Variants in DGAT1 observed in about 807,000 individuals in gnomAD.
DGAT1 encodes the protein diacylglycerol O-acyltransferase 1.
Under a neutral mutation model 72.6 loss-of-function variants are expected in DGAT1, and 60 were observed. The observed-to-expected ratio is 0.83, with a 90% confidence interval of 0.67 to 1.02. DGAT1 has a LOEUF of 1.02. Ranked by LOEUF, DGAT1 falls within the 50% of genes least tolerant of loss-of-function variation. DGAT1 has a pLI of 0.00. For synonymous variants in DGAT1, 290 were observed against 267.5 expected (o/e 1.08, Z -0.82); for missense variants, 592 against 670.0 (o/e 0.88, Z 1.29).
rs1439245340 is a variant in DGAT1, at chr8:144,317,835, C to T, written c.856-13G>A. ...GGGTGAAGAACAGCTGGGGGGGAAA[C>T]AGAGAGCAGCCAGCTGAGGCCCTGG... On this transcript the variant is annotated splice_polypyrimidine_tract_variant and intron_variant, in intron 9 of 16. Coordinates refer to ENST00000528718, the MANE Select transcript of DGAT1 (RefSeq NM_012079.6). The T allele has an allele frequency of 1.2e-6, 2 of 1,609,278 alleles. No individual in the cohort carries two copies. The highest frequency in any genetic ancestry group is 1.7e-6 in the Non-Finnish European group (2 of 1,177,820).
intron 1 of DGAT1, among the ~76,000 whole-genome samples, 175 bp from the exon 2 acceptor site, chr8:144,321,583 G>A (rs1227451120): frequency 2.0e-5 from 3 of 152,180 alleles, no homozygotes; most frequent in African/African-American, 4.8e-5. Context: ...CCTACAGTGG[G>A]CAAAGCTCTC....
At chr8:144,319,386 G>C (rs141119050) in intron 2 of DGAT1, among the ~76,000 whole-genome samples, 1 of 152,152 alleles carries the variant, frequency 6.6e-6, no homozygotes, top group Admixed American at 6.5e-5. Context: ...ACCAGCTGCT[G>C]ATCTGCTCAC....
rs1012018639 is a variant in DGAT1, at chr8:144,326,546, C to T, written c.91G>A (p.Val31Met). 6 of 1,267,748 alleles carry T rather than the reference C, an allele frequency of 4.7e-6. No individual in the cohort carries two copies. Among genetic ancestry groups the T allele is most frequent in the South Asian group, 5.6e-5 (2 of 35,612 alleles). The allele number at this position is 1,267,748 out of a possible 1,614,324, so 78.5% of individuals were successfully genotyped here. A position where few individuals can be genotyped will look rare whatever the true frequency, so the allele number is the denominator to read the frequency against. Residue 31 changes from valine (V) to methionine (M), a missense_variant, in exon 1 of 17, where the codon GTG becomes ATG. Transcript: ENST00000528718. ...TCGGGGCCCGCAGCGGCGTCCCGCA[C>T]CTCCTCTTCCGCCGCCGCAGGCCCG... Reference protein sequence around the residue: ...GGGPAAAEEEVRDAAAGPDVG... With the variant: ...GGGPAAAEEEMRDAAAGPDVG...
intron 1 of DGAT1, among the ~76,000 whole-genome samples, chr8:144,325,106 T>A (rs1339592376): frequency 6.6e-6 from 1 of 151,392 alleles, no homozygotes; most frequent in African/African-American, 2.4e-5. Context: ...AATTCCCACG[T>A]CCTCCACAGG....
Position 144,314,671 on chromosome 8 carries a change from G to A in DGAT1, c.*1883C>T, listed in dbSNP as rs868943407. 17 of 314,478 alleles carry A rather than the reference G, an allele frequency of 5.4e-5. No homozygotes were observed. The highest frequency in any genetic ancestry group is 2.1e-4 in the African/African-American group (10 of 48,276). 19.5% of individuals were successfully genotyped at this position (314,478 alleles called of 1,614,324 possible). A position where few individuals can be genotyped will look rare whatever the true frequency, so the allele number is the denominator to read the frequency against. On this transcript the variant is annotated 3_prime_UTR_variant, in exon 17 of 17. Transcript: ENST00000528718. ...AGATACACAGATATATACACACAGT[G>A]GATGGACGGACAAGACAGGCAGAGA...
In DGAT1 at chr8:144,319,534, G is replaced by A. The variant is rs532169266; in HGVS notation, c.289-466C>T. On this transcript the variant is annotated intron_variant, in intron 2 of 16. Transcript: ENST00000528718. Reference sequence around the variant, plus strand: ...CCCCAAGGAACCAGTCCCTACTGGTGGCCAAGGCTGAAGAGGGGGAGTTGT... The same window carrying A: ...CCCCAAGGAACCAGTCCCTACTGGTAGCCAAGGCTGAAGAGGGGGAGTTGT... Among the ~76,000 whole-genome samples the A allele has an allele frequency of 1.2e-4, 19 of 152,344 alleles. No individual in the cohort carries two copies. The South Asian group carries it at 3.9e-3, about 32-fold the overall frequency.
intron 2 of DGAT1, 63 bp from the exon 3 acceptor site, chr8:144,319,131 ATC>A (rs1817369042): frequency 1.3e-6 from 2 of 1,539,780 alleles, no homozygotes; most frequent in South Asian, 1.2e-5. Context: ...CTCACCCCAG[ATC>A]CTCCCAACAC....
At chr8:144,325,919 A>G (rs2130549465) in intron 1 of DGAT1, among the ~76,000 whole-genome samples, 1 of 152,226 alleles carries the variant, frequency 6.6e-6, no homozygotes, top group Middle Eastern at 3.4e-3. Flanking sequence ...AACGCCTCTA[A>G]CACTGCCCCT....
chr8:144,319,066 G>T lies in DGAT1; in HGVS notation c.291C>A (p.Ile97=). The T allele has an allele frequency of 6.4e-7, 1 of 1,554,368 alleles. No homozygotes were observed. The highest frequency in any genetic ancestry group is 2.4e-5 in the East Asian group (1 of 41,156). ...GILNWCVVML[I]LSNARLFLEN... ...CCAGAAATAACCGGGCATTGCTCAA[G>T]ATCTGCGAGGGATGGACAGGAGGGT... Residue 97 remains isoleucine, a splice_region_variant and synonymous_variant, in exon 3 of 17, where the codon ATC becomes ATA. Transcript: ENST00000528718.
At chr8:144,318,973 G>A (rs1436268571) in intron 3 of DGAT1, 53 bp from the exon 4 acceptor site, 17 of 1,559,678 alleles carry the variant, frequency 1.1e-5, no homozygotes, top group South Asian at 7.0e-5. Flanking sequence ...GCTGTGGGGC[G>A]GGGCCTGGAC....
At chr8:144,324,336 G>A (rs1817539663) in intron 1 of DGAT1, among the ~76,000 whole-genome samples, 1 of 152,182 alleles carries the variant, frequency 6.6e-6, no homozygotes. Flanking sequence ...GAGGCTGTGA[G>A]GCTGACAAGG....
At chr8:144,324,093 A>AAC (rs1817532668) in intron 1 of DGAT1, among the ~76,000 whole-genome samples, 1 of 152,216 alleles carries the variant, frequency 6.6e-6, no homozygotes, top group Non-Finnish European at 1.5e-5. Context: ...GGGTGTGTGC[A>AAC]AAGAGCCTGG....
chr8:144,316,362 CTG>C lies in DGAT1; in HGVS notation c.*190_*191del, dbSNP rs1197876095. 8.5e-6 allele frequency: 6 copies of C among 709,848 alleles called. No individual in the cohort carries two copies. The highest frequency in any genetic ancestry group is 4.1e-5 in the South Asian group (2 of 48,274). The allele number at this position is 709,848 out of a possible 1,614,324, so 44.0% of individuals were successfully genotyped here. On this transcript the variant is annotated 3_prime_UTR_variant, in exon 17 of 17. Coordinates refer to ENST00000528718, the MANE Select transcript of DGAT1 (RefSeq NM_012079.6). ...AGCAAGACTCCCAGCTGGCATCAGA[CTG>C]TGTCTGGCCTGCTGTCGCCATCCCT... is the stretch of plus-strand genomic sequence containing the variant.
At chr8:144,318,646 C>T in intron 5 of DGAT1, 53 bp downstream of exon 5, 1 of 1,605,164 alleles carries the variant, frequency 6.2e-7, no homozygotes, top group Non-Finnish European at 8.5e-7. Flanking sequence ...CAGCTCCTCC[C>T]AGGAGCGCAC....
chr8:144,316,126 C>G lies in DGAT1; in HGVS notation c.*428G>C, dbSNP rs2130506269. ...AGGGGAGTGTGGGGAATGGGGGCGT[C>G]TGCCTGGCCTTGCACTCCCCCTACC... On this transcript the variant is annotated 3_prime_UTR_variant, in exon 17 of 17. Transcript: ENST00000528718. 1 of 206,668 alleles carries G rather than the reference C, an allele frequency of 4.8e-6. No homozygotes were observed. The highest frequency in any genetic ancestry group is 5.5e-5 in the Admixed American group (1 of 18,296). The allele number at this position is 206,668 out of a possible 1,614,324, so 12.8% of individuals were successfully genotyped here.
At position 144,315,100 on chromosome 8, in the gene DGAT1, C is replaced by T. The variant is rs1189658593; in HGVS notation, c.*1454G>A. On this transcript the variant is annotated 3_prime_UTR_variant, in exon 17 of 17. Coordinates refer to ENST00000528718, the MANE Select transcript of DGAT1 (RefSeq NM_012079.6). Reference sequence around the variant, plus strand: ...GTAGCTTTAGGGTTCTCCACTCAGCCTGGTGGAGGAAGGGAAGGGGGCCTG... The same window carrying T: ...GTAGCTTTAGGGTTCTCCACTCAGCTTGGTGGAGGAAGGGAAGGGGGCCTG... 1.8e-5 allele frequency: 18 copies of T among 985,418 alleles called. No individual in the cohort carries two copies. The highest frequency in any genetic ancestry group is 2.2e-5 in the Non-Finnish European group (18 of 829,980). The allele number at this position is 985,418 out of a possible 1,614,324, so 61.0% of individuals were successfully genotyped here. A position where few individuals can be genotyped will look rare whatever the true frequency, so the allele number is the denominator to read the frequency against.
intron 1 of DGAT1, among the ~76,000 whole-genome samples, chr8:144,325,271 G>A (rs1176419748): frequency 2.6e-5 from 4 of 151,888 alleles, no homozygotes; most frequent in African/African-American, 7.3e-5. Flanking sequence ...TCCTCCCCAC[G>A]GCCCCTTCAA....
Position 144,314,959 on chromosome 8 carries a change from C to T in DGAT1, c.*1595G>A, listed in dbSNP as rs781904496. 19 of 985,768 alleles carry T rather than the reference C, an allele frequency of 1.9e-5. No individual in the cohort carries two copies. Among genetic ancestry groups the T allele is most frequent in the Non-Finnish European group, 2.3e-5 (19 of 830,310 alleles). 61.1% of individuals were successfully genotyped at this position (985,768 alleles called of 1,614,324 possible). ...TGGGGGTCTCTGGTTGTCACAGGAC[C>T]ACCAGGAACCCCCTTCCCAAGGTGT... On this transcript the variant is annotated 3_prime_UTR_variant, in exon 17 of 17. Coordinates refer to ENST00000528718, the MANE Select transcript of DGAT1 (RefSeq NM_012079.6).
At chr8:144,316,736 G>A (rs782233511) in intron 16 of DGAT1, 27 bp from the exon 17 acceptor site, 28 of 1,607,326 alleles carry the variant, frequency 1.7e-5, no homozygotes, top group African/African-American at 5.3e-5. Flanking sequence ...CAAGTCAGTC[G>A]GCCATGGTGA....
Sources: allele counts gnomAD v4.1 joint callset (sites outside exome capture counted in the v4.1 genomes callset), GRCh38; gene constraint gnomAD v4.1.1; transcripts MANE v1.5; gene names NCBI Gene and HGNC (gene_info 2026-07-23, HGNC 2026-07-21).